Variants in ACER3 observed in about 807,000 individuals in gnomAD.
The protein encoded by ACER3 is alkCDase 3.
A neutral mutation model predicts 48.9 loss-of-function variants in ACER3; 16 were observed. The observed-to-expected ratio is 0.33, with a 90% CI of 0.22 to 0.50. ACER3 has a LOEUF of 0.50. Ranked by LOEUF, ACER3 falls within the 20% of genes least tolerant of loss-of-function variation. The probability of loss-of-function intolerance (pLI) is 0.98; values close to 1 mark genes in which losing one functional copy is unlikely to be tolerated. For synonymous variants in ACER3, 109 were observed against 107.8 expected, an observed-to-expected ratio of 1.01 and a Z score of -0.07; for missense variants, 227 against 326.0, an observed-to-expected ratio of 0.70 and a Z score of 2.34.
At chr11:76,964,521 T>G (rs1245873526) in intron 3 of ACER3, among the ~76,000 whole-genome samples, 2 of 151,298 alleles carry the variant, frequency 1.3e-5, no homozygotes, top group Non-Finnish European at 2.9e-5. Flanking sequence ...CCTCCTCAAG[T>G]GGGTCCCTGA....
At chr11:76,969,158 G>T (rs904591539) in intron 3 of ACER3, among the ~76,000 whole-genome samples, 1 of 152,120 alleles carries the variant, frequency 6.6e-6, no homozygotes, top group African/African-American at 2.4e-5. Context: ...CTTCTCAAAA[G>T]AAGACATTTA....
chr11:76,911,195 C>A (rs1406501043), intron 1 of ACER3, among the ~76,000 whole-genome samples: 2 of 152,034 alleles, frequency 1.3e-5, no homozygotes, highest in Non-Finnish European at 2.9e-5. Flanking sequence ...TGCTGGTTGG[C>A]TATTTTTATG....
chr11:76,950,396 TATATATATATATATA>T (rs1161735920), intron 2 of ACER3, among the ~76,000 whole-genome samples: 328 of 31,176 alleles, frequency 0.011, 36 homozygotes, highest in Non-Finnish European at 0.014. Flanking sequence ...TATATATATA[TATATATATATATATA>T]ATTTACACAT....
At chr11:76,861,757 T>A (rs1243113668) in intron 1 of ACER3, among the ~76,000 whole-genome samples, 2 of 152,216 alleles carry the variant, frequency 1.3e-5, no homozygotes, top group African/African-American at 2.4e-5. Flanking sequence ...CTTCTGCCCC[T>A]GCCAGGCTCC....
At chr11:76,974,511 TC>T (rs1948387390) in intron 3 of ACER3, among the ~76,000 whole-genome samples, 1 of 152,172 alleles carries the variant, frequency 6.6e-6, no homozygotes, top group African/African-American at 2.4e-5. Flanking sequence ...GAAGTAGAAG[TC>T]AGATATGAAC....
rs1005200112 is a variant in ACER3 at position 76,988,397 on chromosome 11, C to T, written c.403-2142C>T. Among the ~76,000 whole-genome samples the T allele has an allele frequency of 2.0e-5, 3 of 152,184 alleles. No homozygotes were observed. In the East Asian group the frequency reaches 5.8e-4, roughly 29 times the overall value. Reference sequence around the variant, plus strand: ...TTATAAAGGAAAGAAGTTTAATTGACTCACAGTTCCGCATGGCTGGGGAGG... The same window carrying T: ...TTATAAAGGAAAGAAGTTTAATTGATTCACAGTTCCGCATGGCTGGGGAGG... On this transcript the variant is annotated intron_variant, in intron 5 of 10. Transcript: ENST00000532485.
At chr11:77,002,420 A>G (rs1042355787) in intron 7 of ACER3, among the ~76,000 whole-genome samples, 1 of 152,156 alleles carries the variant, frequency 6.6e-6, no homozygotes, top group Admixed American at 6.5e-5. Flanking sequence ...TTGATATGGG[A>G]ATATTGATCC....
intron 2 of ACER3, among the ~76,000 whole-genome samples, chr11:76,956,607 G>C (rs959398937): frequency 5.3e-5 from 8 of 150,710 alleles, no homozygotes; most frequent in African/African-American, 1.9e-4. Context: ...ACTTTGAAAA[G>C]GTTTTGATAA....
chr11:77,023,793 G>A lies in ACER3; in HGVS notation c.*3466G>A, dbSNP rs1188880902. ...TGTTCTAACTATTTAAAAATAATGG[G>A]CCGGGCGCGGTGGCTCATGCCTGTA... On this transcript the variant is annotated 3_prime_UTR_variant, in exon 11 of 11. Transcript: ENST00000532485. 4.6e-5 allele frequency: 7 copies of A among 152,098 alleles called. No homozygotes were observed. Among genetic ancestry groups the A allele is most frequent in the Admixed American group, 4.6e-4 (7 of 15,256 alleles). The allele number at this position is 152,098 out of a possible 1,614,324, so 9.4% of individuals were successfully genotyped here.
Position 76,917,831 on chromosome 11 carries a change from C to T in ACER3, c.104-8726C>T, listed in dbSNP as rs1211923648. ...AGCCATGATTGTGCCACTGAACTCA[C>T]TCTGTGCAACAGAGAGAGACCCTGT... On this transcript the variant is annotated intron_variant, in intron 1 of 10. Transcript: ENST00000532485. Among the ~76,000 whole-genome samples, 3 of 145,394 alleles carry T rather than the reference C, an allele frequency of 2.1e-5. No homozygotes were observed. The South Asian group carries it at 6.6e-4, about 32-fold the overall frequency.
chr11:76,892,184 C>T (rs1454203038), intron 1 of ACER3, among the ~76,000 whole-genome samples: 3 of 152,064 alleles, frequency 2.0e-5, no homozygotes, highest in Non-Finnish European at 4.4e-5. Flanking sequence ...AGAATGATAT[C>T]ACCCATTTTA....
chr11:77,011,732 TTTA>T (rs1444926582), intron 7 of ACER3, among the ~76,000 whole-genome samples: 3 of 151,924 alleles, frequency 2.0e-5, no homozygotes, highest in Non-Finnish European at 4.4e-5. Context: ...AATTGAAAAA[TTTA>T]TTATTGCCAT....
At chr11:76,872,213 A>G (rs1233697653) in intron 1 of ACER3, among the ~76,000 whole-genome samples, 2 of 152,004 alleles carry the variant, frequency 1.3e-5, no homozygotes, top group Non-Finnish European at 2.9e-5. Flanking sequence ...AGTAGCTGAG[A>G]TTACGGGCAT....
At chr11:76,911,570 C>A (rs1264867590) in intron 1 of ACER3, among the ~76,000 whole-genome samples, 2 of 152,118 alleles carry the variant, frequency 1.3e-5, no homozygotes, top group Non-Finnish European at 2.9e-5. Flanking sequence ...CAGATTTCAG[C>A]CTCATTTTAT....
At chr11:76,968,796 G>C (rs1211946390) in intron 3 of ACER3, among the ~76,000 whole-genome samples, 1 of 152,184 alleles carries the variant, frequency 6.6e-6, no homozygotes, top group African/African-American at 2.4e-5. Flanking sequence ...ATTAATTCAA[G>C]ATGGATTAAA....
At chr11:76,959,093 A>C (rs1384453776) in intron 3 of ACER3, 62 bp downstream of exon 3, 1 of 1,610,862 alleles carries the variant, frequency 6.2e-7, no homozygotes. Context: ...TTCAGATTTG[A>C]GAAAAGAGCA....
intron 5 of ACER3, among the ~76,000 whole-genome samples, chr11:76,987,908 C>G (rs1948717585): frequency 6.6e-6 from 1 of 152,214 alleles, no homozygotes; most frequent in African/African-American, 2.4e-5. Context: ...CCACTGCACT[C>G]TGGCCTGGGT....
At chr11:76,971,802 G>A (rs1348378966) in intron 3 of ACER3, among the ~76,000 whole-genome samples, 1 of 152,112 alleles carries the variant, frequency 6.6e-6, no homozygotes, top group Non-Finnish European at 1.5e-5. Flanking sequence ...GAAACTTCAT[G>A]GGTAGCAGCT....
At chr11:76,979,097 T>C (rs1223612986) in intron 4 of ACER3, among the ~76,000 whole-genome samples, 2 of 152,140 alleles carry the variant, frequency 1.3e-5, no homozygotes, top group East Asian at 3.9e-4. Context: ...ATGAGCCCAG[T>C]GGGCCAGAAC....
Sources: gnomAD v4.1 joint callset for allele counts (sites outside exome capture counted in the v4.1 genomes callset) on GRCh38, gnomAD v4.1.1 for gene constraint, MANE v1.5 for transcripts, NCBI Gene and HGNC (gene_info 2026-07-23, HGNC 2026-07-21) for gene names.